Variants in ZDHHC17 observed in about 807,000 individuals in gnomAD.
The protein encoded by ZDHHC17 is zDHHC palmitoyltransferase 17.
A neutral mutation model predicts 90.3 loss-of-function variants in ZDHHC17; 40 were observed. The ratio of observed to expected loss-of-function variants is 0.44; its 90% confidence interval spans 0.34 to 0.58. The LOEUF (loss-of-function observed/expected upper bound fraction) is 0.58, where lower values mean the gene tolerates loss of function less well. ZDHHC17 is among the 20% of genes least tolerant of loss of function. The probability of loss-of-function intolerance (pLI) is 0.01; values close to 1 mark genes in which losing one functional copy is unlikely to be tolerated. For synonymous variants in ZDHHC17, 235 were observed against 252.4 expected (o/e 0.93, Z 0.65); for missense variants, 614 against 780.8 (o/e 0.79, Z 2.55).
At chr12:76,830,216 A>C (rs1450056676) in intron 10 of ZDHHC17, among the ~76,000 whole-genome samples, 1 of 152,184 alleles carries the variant, frequency 6.6e-6, no homozygotes, top group African/African-American at 2.4e-5. Context: ...GCTTTTGGTG[A>C]CTTGTAACTG....
intron 7 of ZDHHC17, among the ~76,000 whole-genome samples, chr12:76,820,011 A>G (rs1417586674): frequency 1.3e-5 from 2 of 151,482 alleles, no homozygotes; most frequent in Non-Finnish European, 2.9e-5. Context: ...AAAAAAAAAA[A>G]AAGACAATTT....
intron 10 of ZDHHC17, among the ~76,000 whole-genome samples, chr12:76,832,009 ATTAAT>A (rs1953307877): frequency 6.7e-6 from 1 of 150,160 alleles, no homozygotes; most frequent in Non-Finnish European, 1.5e-5. Context: ...GAAATCACTA[ATTAAT>A]TTAAATCCCA....
chr12:76,803,631 C>T (rs1952919075), intron 2 of ZDHHC17, among the ~76,000 whole-genome samples: 1 of 152,248 alleles, frequency 6.6e-6, no homozygotes, highest in South Asian at 2.1e-4. Flanking sequence ...CCATTCCCTT[C>T]ACCCTGGTAT....
chr12:76,772,407 A>G (rs1334312404), intron 1 of ZDHHC17, among the ~76,000 whole-genome samples: 3 of 152,134 alleles, frequency 2.0e-5, no homozygotes, highest in Non-Finnish European at 4.4e-5. Flanking sequence ...CAGTATGGAC[A>G]TTCTACACTA....
At chr12:76,767,097 A>G (rs773040662) in intron 1 of ZDHHC17, among the ~76,000 whole-genome samples, 26 of 151,972 alleles carry the variant, frequency 1.7e-4, no homozygotes, top group Admixed American at 6.6e-4. Flanking sequence ...AAGTGAGGCT[A>G]TATGTTGAGG....
chr12:76,766,852 T>A (rs1952437010), intron 1 of ZDHHC17, among the ~76,000 whole-genome samples: 1 of 151,940 alleles, frequency 6.6e-6, no homozygotes. Flanking sequence ...AAACTCTGTG[T>A]CTACAGAAAA....
intron 6 of ZDHHC17, among the ~76,000 whole-genome samples, chr12:76,815,622 AC>A (rs1426492599): frequency 6.6e-6 from 1 of 151,832 alleles, no homozygotes; most frequent in Non-Finnish European, 1.5e-5. Context: ...AAATATCAGG[AC>A]CAAGTTGCTT....
chr12:76,839,157 A>T (rs906571863), intron 10 of ZDHHC17, among the ~76,000 whole-genome samples: 1 of 152,236 alleles, frequency 6.6e-6, no homozygotes, highest in Non-Finnish European at 1.5e-5. Flanking sequence ...CTTCCTAAAG[A>T]CCACATCTCC....
chr12:76,810,851 C>T (rs952207645), intron 5 of ZDHHC17, among the ~76,000 whole-genome samples: 1 of 152,142 alleles, frequency 6.6e-6, no homozygotes, highest in African/African-American at 2.4e-5. Context: ...CTGCAGTTGT[C>T]TGGCGGCTTG....
chr12:76,804,761 G>C (rs991262829), intron 2 of ZDHHC17, among the ~76,000 whole-genome samples: 1 of 152,148 alleles, frequency 6.6e-6, no homozygotes, highest in African/African-American at 2.4e-5. Context: ...GAGATAAATT[G>C]CCTGCTGTAG....
intron 1 of ZDHHC17, among the ~76,000 whole-genome samples, chr12:76,771,163 A>G (rs1592455693): frequency 6.6e-6 from 1 of 152,288 alleles, no homozygotes; most frequent in East Asian, 1.9e-4. Context: ...TATTTATAAA[A>G]TACATAAAAT....
chr12:76,823,139 C>A (rs1031157468), intron 8 of ZDHHC17, among the ~76,000 whole-genome samples: 1 of 151,974 alleles, frequency 6.6e-6, no homozygotes. Flanking sequence ...ATTCAACTGG[C>A]CTTTGTTAAG....
chr12:76,804,455 G>T (rs778788892), intron 2 of ZDHHC17, among the ~76,000 whole-genome samples: 1 of 152,170 alleles, frequency 6.6e-6, no homozygotes, highest in Non-Finnish European at 1.5e-5. Context: ...GGGAATTTGT[G>T]AGAAAACATT....
intron 2 of ZDHHC17, among the ~76,000 whole-genome samples, chr12:76,803,995 A>G (rs1952924324): frequency 6.6e-6 from 1 of 152,220 alleles, no homozygotes; most frequent in African/African-American, 2.4e-5. Flanking sequence ...CATATGTGTG[A>G]TGCTGGGTGG....
intron 1 of ZDHHC17, among the ~76,000 whole-genome samples, chr12:76,793,229 A>G (rs1184446527): frequency 1.3e-5 from 2 of 152,198 alleles, no homozygotes; most frequent in Non-Finnish European, 2.9e-5. Flanking sequence ...TTTGTTTAAG[A>G]CGGGAATGAG....
intron 1 of ZDHHC17, among the ~76,000 whole-genome samples, chr12:76,772,043 A>G (rs117917392): frequency 0.011 from 1,680 of 152,334 alleles, 11 homozygotes; most frequent in Non-Finnish European, 0.017. Context: ...ATGCCAGCAA[A>G]TTATAAGTAT....
Position 76,826,874 on chromosome 12 carries a change from G to T in ZDHHC17, c.898-34G>T. ...TTCAGATTGAGATTACTTGAAACAT[G>T]CAAAAACTTTTCTAATTTTTTGTTT... On this transcript the variant is annotated intron_variant, in intron 8 of 16. Coordinates refer to ENST00000426126, the MANE Select transcript of ZDHHC17 (RefSeq NM_015336.4). 3 of 1,493,930 alleles carry T rather than the reference G, an allele frequency of 2.0e-6. No individual in the cohort carries two copies. In the South Asian group the frequency reaches 4.2e-5, roughly 21 times the overall value. The allele number at this position is 1,493,930 out of a possible 1,614,324, so 92.5% of individuals were successfully genotyped here. A position where few individuals can be genotyped will look rare whatever the true frequency, so the allele number is the denominator to read the frequency against.
chr12:76,809,849 A>G lies in ZDHHC17; in HGVS notation c.535A>G (p.Lys179Glu), dbSNP rs991516412. 6.2e-7 allele frequency: 1 copy of G among 1,610,522 alleles called. No homozygotes were observed. Among genetic ancestry groups the G allele is most frequent in the Non-Finnish European group, 8.5e-7 (1 of 1,178,188 alleles). The change falls in exon 5 of 17, where the codon AAA becomes GAA. Residue 179 changes from lysine to glutamate, a missense_variant. Physicochemically the swap from Lys to Glu is moderately conservative, Grantham distance 56. Around this residue, in one of 5 missense-constraint regions of ZDHHC17, gnomAD observed 358 missense variants for 380.4 expected, o/e 0.94. Transcript: ENST00000426126. ...HTSIVAYLIAKGQDVDMMDQN... is the reference protein window; with the variant it reads ...HTSIVAYLIAEGQDVDMMDQN... ...CTCAATTGTTGCTTATCTCATAGCA[A>G]AAGGACAGGTAAAAAAAATCTCAGT... is the stretch of plus-strand genomic sequence containing the variant.
chr12:76,772,349 C>T (rs893407708), intron 1 of ZDHHC17, among the ~76,000 whole-genome samples: 5 of 152,054 alleles, frequency 3.3e-5, no homozygotes, highest in Non-Finnish European at 7.4e-5. Flanking sequence ...GCAGAAAGTA[C>T]GAAGAGTTCC....
Sources: gnomAD v4.1 joint callset for allele counts (sites outside exome capture counted in the v4.1 genomes callset) on GRCh38, gnomAD v4.1.1 for gene constraint, gnomAD v4.1.1 regional missense constraint, MANE v1.5 for transcripts, NCBI Gene and HGNC (gene_info 2026-07-23, HGNC 2026-07-21) for gene names.